The following APBB1IP variants were observed in gnomAD, a reference collection of about 807,000 sequenced individuals.
APBB1IP encodes amyloid beta A4 precursor protein-binding family B member 1-interacting protein.
In APBB1IP, 27 loss-of-function variants were observed where a neutral mutation model predicts 64.9. The ratio of observed to expected loss-of-function variants is 0.42; its 90% CI spans 0.31 to 0.57. The LOEUF is 0.57. APBB1IP is among the 20% of genes least tolerant of loss of function. The pLI, the probability that APBB1IP is intolerant of heterozygous loss-of-function variation, is 0.20. For synonymous variants in APBB1IP, 392 were observed against 331.0 expected, an observed-to-expected ratio of 1.18 and a Z score of -2.00; for missense variants, 812 against 845.5, an observed-to-expected ratio of 0.96 and a Z score of 0.49.
At chr10:26,477,891 T>A (rs934197853) in intron 2 of APBB1IP, among the ~76,000 whole-genome samples, 3 of 152,154 alleles carry the variant, frequency 2.0e-5, no homozygotes, top group Non-Finnish European at 4.4e-5. Context: ...TCCAACTAAC[T>A]TTTTAAAATT....
At chr10:26,481,676 T>C (rs544409028) in intron 2 of APBB1IP, among the ~76,000 whole-genome samples, 29 of 151,990 alleles carry the variant, frequency 1.9e-4, no homozygotes, top group African/African-American at 6.8e-4. Context: ...GGGATAGAGA[T>C]GGGGTCTTGC....
chr10:26,544,735 A>G (rs568599567), intron 11 of APBB1IP, among the ~76,000 whole-genome samples: 1 of 152,326 alleles, frequency 6.6e-6, no homozygotes, highest in African/African-American at 2.4e-5. Flanking sequence ...AAACTGACAC[A>G]TAAGTTTGGG....
Position 26,472,754 on chromosome 10 carries a change from T to C in APBB1IP, c.1-19573T>C, listed in dbSNP as rs1450075892. 2.6e-5 allele frequency among the ~76,000 whole-genome samples: 4 copies of C among 152,148 alleles called. No homozygotes were observed. In the East Asian group the frequency reaches 7.7e-4, roughly 29 times the overall value. On this transcript the variant is annotated intron_variant, in intron 2 of 14. Coordinates refer to ENST00000376236, the MANE Select transcript of APBB1IP (RefSeq NM_019043.4). ...GAGTTCGAGACCAGCCTGGCCAATA[T>C]AGTGAAACCCCGTCTCTACTAAAAA...
At chr10:26,440,477 CT>C (rs1306456281) in intron 2 of APBB1IP, among the ~76,000 whole-genome samples, 1 of 152,112 alleles carries the variant, frequency 6.6e-6, no homozygotes, top group Non-Finnish European at 1.5e-5. Context: ...TGAGAAGTTC[CT>C]GTAAAAGCGC....
chr10:26,439,108 G>A (rs1018059850), intron 2 of APBB1IP, among the ~76,000 whole-genome samples: 6 of 152,104 alleles, frequency 3.9e-5, no homozygotes, highest in African/African-American at 1.4e-4. Flanking sequence ...GCTTTTTCCC[G>A]AGCTATTGCA....
intron 8 of APBB1IP, among the ~76,000 whole-genome samples, chr10:26,532,104 A>G (rs1836562092): frequency 6.6e-6 from 1 of 152,226 alleles, no homozygotes; most frequent in Admixed American, 6.5e-5. Flanking sequence ...TGAGGATTAT[A>G]CTTGGAGAAA....
chr10:26,458,599 T>C (rs1835554126), intron 2 of APBB1IP, among the ~76,000 whole-genome samples: 1 of 152,186 alleles, frequency 6.6e-6, no homozygotes, highest in Non-Finnish European at 1.5e-5. Context: ...ATTTGCCTTT[T>C]ATATCAGAGC....
intron 8 of APBB1IP, 43 bp downstream of exon 8, chr10:26,513,703 G>T (rs567506871): frequency 1.3e-5 from 19 of 1,504,476 alleles, no homozygotes; most frequent in Non-Finnish European, 1.6e-5. Context: ...AAGTACAAAG[G>T]ATTTTTTTTT....
chr10:26,472,824 C>T (rs138159987), intron 2 of APBB1IP, among the ~76,000 whole-genome samples: 4 of 152,170 alleles, frequency 2.6e-5, no homozygotes, highest in Non-Finnish European at 4.4e-5. Context: ...GTAGTCCCAG[C>T]TACTCAGGAG....
At chr10:26,556,498 C>T (rs138529892) in intron 11 of APBB1IP, among the ~76,000 whole-genome samples, 200 of 152,300 alleles carry the variant, frequency 1.3e-3, no homozygotes, top group Non-Finnish European at 2.0e-3. Context: ...CTTGGTGAGA[C>T]CTGACCTATA....
intron 8 of APBB1IP, among the ~76,000 whole-genome samples, chr10:26,521,265 A>G (rs919940602): frequency 3.3e-5 from 5 of 152,164 alleles, no homozygotes; most frequent in Non-Finnish European, 5.9e-5. Flanking sequence ...CTGAAATCTG[A>G]GTGCACAGAC....
At chr10:26,454,468 A>C (rs1036391530) in intron 2 of APBB1IP, among the ~76,000 whole-genome samples, 2 of 152,134 alleles carry the variant, frequency 1.3e-5, no homozygotes, top group African/African-American at 4.8e-5. Flanking sequence ...CCTGGACGAC[A>C]GAGTGAGACT....
intron 11 of APBB1IP, among the ~76,000 whole-genome samples, chr10:26,545,654 A>G (rs926581250): frequency 9.9e-5 from 15 of 151,854 alleles, no homozygotes; most frequent in Middle Eastern, 3.4e-3. Context: ...CAGCTACTCG[A>G]GAGGCTGAGG....
intron 2 of APBB1IP, among the ~76,000 whole-genome samples, chr10:26,473,230 G>A (rs1835740440): frequency 6.6e-6 from 1 of 152,136 alleles, no homozygotes; most frequent in Non-Finnish European, 1.5e-5. Flanking sequence ...GTTATATATT[G>A]CTGGAAGTTT....
chr10:26,520,480 C>T (rs1836389664), intron 8 of APBB1IP, among the ~76,000 whole-genome samples: 1 of 152,198 alleles, frequency 6.6e-6, no homozygotes, highest in Non-Finnish European at 1.5e-5. Flanking sequence ...AGTACCAATA[C>T]TGAAGTCTTC....
chr10:26,540,403 A>C (rs1291315107), intron 10 of APBB1IP, among the ~76,000 whole-genome samples: 1 of 152,164 alleles, frequency 6.6e-6, no homozygotes. Context: ...CATGGGATAG[A>C]ACAGAATAGA....
intron 2 of APBB1IP, among the ~76,000 whole-genome samples, chr10:26,450,916 G>A (rs953323305): frequency 4.0e-5 from 6 of 151,886 alleles, no homozygotes; most frequent in Non-Finnish European, 2.9e-5. Flanking sequence ...GGCTGGTCTC[G>A]AACTCCTGAC....
chr10:26,483,770 T>C (rs1448193057), intron 2 of APBB1IP, among the ~76,000 whole-genome samples: 1 of 152,072 alleles, frequency 6.6e-6, no homozygotes, highest in Non-Finnish European at 1.5e-5. Flanking sequence ...TGGAGTGCAA[T>C]AGTGCAATCA....
intron 2 of APBB1IP, among the ~76,000 whole-genome samples, chr10:26,477,679 A>G (rs1224235781): frequency 2.6e-5 from 4 of 152,224 alleles, no homozygotes; most frequent in Admixed American, 2.6e-4. Context: ...CAAAACACAA[A>G]GGCGAATAAC....
Sources: allele counts gnomAD v4.1 joint callset (sites outside exome capture counted in the v4.1 genomes callset), GRCh38; gene constraint gnomAD v4.1.1; transcripts MANE v1.5; gene names NCBI Gene and HGNC (gene_info 2026-07-23, HGNC 2026-07-21).